RGS7BP: variants seen among roughly 807,000 people sequenced by gnomAD.
The protein encoded by RGS7BP is regulator of G protein signaling 7-binding protein.
In RGS7BP, 9 loss-of-function variants were observed where a neutral mutation model predicts 31.3. That is an observed-to-expected ratio of 0.29 (90% CI 0.17 to 0.50). The LOEUF (loss-of-function observed/expected upper bound fraction) is 0.50. Among genes scored for constraint, RGS7BP ranks in the 20% least tolerant of loss-of-function variants. RGS7BP has a pLI of 0.98. For synonymous variants in RGS7BP, 115 were observed against 120.1 expected, an observed-to-expected ratio of 0.96 and a Z score of 0.28; for missense variants, 274 against 322.0, an observed-to-expected ratio of 0.85 and a Z score of 1.14.
chr5:64,527,805 G>T (rs1339962389), intron 2 of RGS7BP, among the ~76,000 whole-genome samples: 1 of 152,044 alleles, frequency 6.6e-6, no homozygotes, highest in Non-Finnish European at 1.5e-5. Flanking sequence ...AAAAAATTAT[G>T]TAGATATGTA....
In RGS7BP at chr5:64,576,607, C is replaced by T. The variant is rs148022317; in HGVS notation, c.463+703C>T. Among the ~76,000 whole-genome samples the T allele has an allele frequency of 6.2e-3, 937 of 152,320 alleles. 2 individuals carry two copies. The highest frequency in any genetic ancestry group is 0.01 in the Non-Finnish European group (710 of 68,034). ...CCAGCTACGGAGAAAAAGTTGTGAA[C>T]TTCATTCTGTTTGGACCAGGCTTAT... On this transcript the variant is annotated intron_variant, in intron 3 of 5. Transcript: ENST00000334025.
At chr5:64,589,161 T>C (rs1469211249) in intron 3 of RGS7BP, among the ~76,000 whole-genome samples, 1 of 151,878 alleles carries the variant, frequency 6.6e-6, no homozygotes, top group Non-Finnish European at 1.5e-5. Flanking sequence ...CCGGGCATGG[T>C]GGTACACACC....
At chr5:64,559,239 C>A (rs1741995653) in intron 2 of RGS7BP, among the ~76,000 whole-genome samples, 1 of 152,168 alleles carries the variant, frequency 6.6e-6, no homozygotes, top group East Asian at 1.9e-4. Context: ...TTTAAAATTT[C>A]TCTCTTTTGT....
chr5:64,576,178 C>A (rs1179928588), intron 3 of RGS7BP, among the ~76,000 whole-genome samples: 2 of 152,142 alleles, frequency 1.3e-5, no homozygotes, highest in African/African-American at 4.8e-5. Flanking sequence ...TTGTTAGATT[C>A]AGCATAAACA....
At chr5:64,604,132 T>C (rs1256983186) in intron 5 of RGS7BP, among the ~76,000 whole-genome samples, 1 of 152,152 alleles carries the variant, frequency 6.6e-6, no homozygotes, top group African/African-American at 2.4e-5. Context: ...CAGACTGGAC[T>C]GTTCACTTGG....
At chr5:64,532,618 G>A (rs978623851) in intron 2 of RGS7BP, among the ~76,000 whole-genome samples, 9 of 152,152 alleles carry the variant, frequency 5.9e-5, no homozygotes, top group African/African-American at 2.2e-4. Flanking sequence ...CCTGGTGAAA[G>A]TAAAAGCATC....
chr5:64,550,947 A>G (rs1481859666), intron 2 of RGS7BP, among the ~76,000 whole-genome samples: 1 of 151,856 alleles, frequency 6.6e-6, no homozygotes, highest in African/African-American at 2.4e-5. Flanking sequence ...TCCATGGTGT[A>G]TATGTGCTGC....
intron 2 of RGS7BP, among the ~76,000 whole-genome samples, chr5:64,567,067 C>T (rs978062684): frequency 3.3e-5 from 5 of 151,926 alleles, no homozygotes; most frequent in African/African-American, 1.2e-4. Flanking sequence ...AAAAATAAAC[C>T]TCCCCTGGGT....
intron 2 of RGS7BP, among the ~76,000 whole-genome samples, chr5:64,572,237 T>C (rs184002121): frequency 2.3e-3 from 346 of 152,314 alleles, no homozygotes; most frequent in African/African-American, 7.6e-3. Flanking sequence ...TAAATTGCTG[T>C]TTTCTTAGCT....
chr5:64,569,913 C>G (rs933707872), intron 2 of RGS7BP, among the ~76,000 whole-genome samples: 1 of 152,186 alleles, frequency 6.6e-6, no homozygotes, highest in Non-Finnish European at 1.5e-5. Flanking sequence ...TTCCTTGCCA[C>G]TTGGCATAAT....
At chr5:64,568,127 T>A (rs2111880356) in intron 2 of RGS7BP, among the ~76,000 whole-genome samples, 1 of 152,092 alleles carries the variant, frequency 6.6e-6, no homozygotes, top group Non-Finnish European at 1.5e-5. Context: ...TATATTTAAA[T>A]AAATACCTTT....
At chr5:64,605,174 A>C (rs1743322120) in intron 5 of RGS7BP, among the ~76,000 whole-genome samples, 1 of 151,900 alleles carries the variant, frequency 6.6e-6, no homozygotes, top group East Asian at 1.9e-4. Flanking sequence ...CACATTTAAA[A>C]CTGTCTTAGG....
chr5:64,538,288 TA>T (rs1741424805), intron 2 of RGS7BP, among the ~76,000 whole-genome samples: 1 of 152,036 alleles, frequency 6.6e-6, no homozygotes, highest in Non-Finnish European at 1.5e-5. Flanking sequence ...GTATAACCAC[TA>T]CCAACATCAA....
At chr5:64,579,863 C>T (rs1490022233) in intron 3 of RGS7BP, among the ~76,000 whole-genome samples, 1 of 152,058 alleles carries the variant, frequency 6.6e-6, no homozygotes, top group African/African-American at 2.4e-5. Context: ...AAGGGATTAA[C>T]ACTATATTAA....
chr5:64,550,466 A>G lies in RGS7BP; in HGVS notation c.333-25308A>G, dbSNP rs78069282. Among the ~76,000 whole-genome samples the G allele has an allele frequency of 4.5e-4, 67 of 150,414 alleles. No homozygotes were observed. The East Asian group carries it at 0.013, about 29-fold the overall frequency. On this transcript the variant is annotated intron_variant, in intron 2 of 5. Transcript: ENST00000334025. ...CATCTAACCCTCATCTAAATACCCC[A>G]TCTCCAAATACCATCATCACATTGA...
At chr5:64,548,897 C>T (rs1262936183) in intron 2 of RGS7BP, among the ~76,000 whole-genome samples, 1 of 150,744 alleles carries the variant, frequency 6.6e-6, no homozygotes, top group African/African-American at 2.5e-5. Context: ...TCCCAAAGAC[C>T]TCATCACTAA....
chr5:64,543,484 A>G (rs1407920811), intron 2 of RGS7BP, among the ~76,000 whole-genome samples: 1 of 152,220 alleles, frequency 6.6e-6, no homozygotes, highest in Non-Finnish European at 1.5e-5. Flanking sequence ...TCTGTTTCTC[A>G]TTTCTGTGAC....
chr5:64,517,921 T>A (rs1329711606), intron 2 of RGS7BP, among the ~76,000 whole-genome samples: 1 of 152,010 alleles, frequency 6.6e-6, no homozygotes, highest in Non-Finnish European at 1.5e-5. Context: ...AAAATTTTTT[T>A]AAACCTCCTG....
intron 2 of RGS7BP, among the ~76,000 whole-genome samples, chr5:64,509,364 T>C (rs1368039770): frequency 1.3e-5 from 2 of 152,148 alleles, no homozygotes; most frequent in African/African-American, 4.8e-5. Context: ...GGGATTGCAT[T>C]TAGGATCCCT....
Sources: gnomAD v4.1 joint callset for allele counts (sites outside exome capture counted in the v4.1 genomes callset) on GRCh38, gnomAD v4.1.1 for gene constraint, MANE v1.5 for transcripts, NCBI Gene and HGNC (gene_info 2026-07-23, HGNC 2026-07-21) for gene names.